The following BICRA variants were observed in gnomAD, a reference collection of about 807,000 sequenced individuals.
BICRA encodes BRD4-interacting chromatin-remodeling complex-associated protein.
A neutral mutation model predicts 96.9 loss-of-function variants in BICRA; 31 were observed. The observed-to-expected ratio is 0.32, with a 90% CI of 0.24 to 0.43. The LOEUF is 0.43. Among genes scored for constraint, BICRA ranks in the 20% least tolerant of loss-of-function variants. BICRA has a pLI of 1.00. For synonymous variants in BICRA, 1,350 were observed against 1,071.8 expected, an observed-to-expected ratio of 1.26 and a Z score of -5.07; for missense variants, 2,283 against 2,190.3, an observed-to-expected ratio of 1.04 and a Z score of -0.84.
chr19:47,627,703 A>T lies in BICRA; in HGVS notation c.-108+18535A>T, dbSNP rs1232434706. Among the ~76,000 whole-genome samples the T allele has an allele frequency of 1.6e-4, 25 of 152,222 alleles. 1 individual carries two copies. Among genetic ancestry groups the T allele is most frequent in the Admixed American group, 1.6e-3 (25 of 15,276 alleles). On this transcript the variant is annotated intron_variant, in intron 1 of 14. Transcript: ENST00000594866. The stretch of plus-strand genomic sequence containing the variant: ...AGAGATTTTTGGAGGTTGGAATTGC[A>T]GATTAGGGGGCCACAGACCTAAAAT...
intron 7 of BICRA, among the ~76,000 whole-genome samples, chr19:47,683,648 G>A (rs1475874969): frequency 1.3e-5 from 2 of 150,832 alleles, no homozygotes; most frequent in Non-Finnish European, 2.9e-5. Context: ...GCGGTGTCGC[G>A]ATCTCTGCTC....
intron 5 of BICRA, among the ~76,000 whole-genome samples, chr19:47,676,405 C>T (rs2123580549): frequency 6.6e-6 from 1 of 152,180 alleles, no homozygotes; most frequent in Middle Eastern, 3.4e-3. Context: ...CCAGAGTGGC[C>T]AATGCAGAGG....
chr19:47,672,739 G>C (rs1390445752), intron 2 of BICRA, among the ~76,000 whole-genome samples: 2 of 151,948 alleles, frequency 1.3e-5, no homozygotes, highest in East Asian at 1.9e-4. Flanking sequence ...TGTCAGATGG[G>C]ACTAACGATC....
Position 47,636,953 on chromosome 19 carries a change from CTTG to C in BICRA, c.-108+27791_-108+27793del, listed in dbSNP as rs570374090. 6.6e-5 allele frequency among the ~76,000 whole-genome samples: 10 copies of C among 152,136 alleles called. No homozygotes were observed. The East Asian group carries it at 7.7e-4, about 12-fold the overall frequency. On this transcript the variant is annotated intron_variant, in intron 1 of 14. Coordinates refer to ENST00000594866, the MANE Select transcript of BICRA (RefSeq NM_001394372.1). ...TGAGTCTTACCCCAGGGCCTTTGAA[CTTG>C]TTGTTCTCCTGCTGTGGGGCCCTCC...
intron 1 of BICRA, among the ~76,000 whole-genome samples, chr19:47,614,656 C>T (rs893212750): frequency 1.3e-5 from 2 of 152,226 alleles, no homozygotes; most frequent in African/African-American, 4.8e-5. Flanking sequence ...AAAAACTATT[C>T]ATCTTACACA....
At position 47,698,742 on chromosome 19, in the gene BICRA, C is replaced by G; in HGVS notation, c.3357C>G (p.Val1119=). The part of the protein sequence containing the change: ...DALHRLLPYH[V]YQGALPSPSD... Reference sequence around the variant, plus strand: ...TGCATCGCCTCCTGCCCTACCATGTCTACCAGGGCGCCCTCCCCTCCCCCA... The same window carrying G: ...TGCATCGCCTCCTGCCCTACCATGTGTACCAGGGCGCCCTCCCCTCCCCCA... The change falls in exon 12 of 15, where the codon GTC becomes GTG. Residue 1119 remains valine, a synonymous_variant. Coordinates refer to ENST00000594866, the MANE Select transcript of BICRA (RefSeq NM_001394372.1). The surrounding 1 kb of genome is among the most constrained non-coding windows in gnomAD (Gnocchi z 4.8). 2 of 1,610,128 alleles carry G rather than the reference C, an allele frequency of 1.2e-6. No homozygotes were observed. Among genetic ancestry groups the G allele is most frequent in the East Asian group, 2.2e-5 (1 of 44,840 alleles).
intron 6 of BICRA, among the ~76,000 whole-genome samples, chr19:47,681,644 C>T (rs777641174): frequency 5.9e-5 from 9 of 151,726 alleles, no homozygotes; most frequent in African/African-American, 1.7e-4. Context: ...AGGGACTACC[C>T]GACGGACAGA....
chr19:47,631,549 G>A (rs1972222521), intron 1 of BICRA, among the ~76,000 whole-genome samples: 2 of 152,042 alleles, frequency 1.3e-5, no homozygotes, highest in African/African-American at 4.8e-5. Context: ...ATTTTTTGTA[G>A]AGGCAGGAAC....
At chr19:47,673,839 G>C in intron 4 of BICRA, 77 bp downstream of exon 4, 1 of 1,276,388 alleles carries the variant, frequency 7.8e-7, no homozygotes. Flanking sequence ...GGAGAGACAT[G>C]TCCCTTTGAT....
At chr19:47,671,423 A>G (rs896917837) in intron 2 of BICRA, among the ~76,000 whole-genome samples, 8 of 152,206 alleles carry the variant, frequency 5.3e-5, no homozygotes, top group Admixed American at 5.2e-4. Flanking sequence ...ACAAAAAAAG[A>G]GGGTAAGGGA....
chr19:47,695,211 A>C (rs7253839), intron 9 of BICRA, 131 bp downstream of exon 9: 579,354 of 776,612 alleles, frequency 0.75, 218,290 homozygotes, highest in East Asian at 0.96. Context: ...CTCAAGGGAC[A>C]CAGGAAGGCC....
In BICRA at chr19:47,679,500, G is replaced by A; in HGVS notation, c.330G>A (p.Glu110=). 6.5e-7 allele frequency: 1 copy of A among 1,546,336 alleles called. No homozygotes were observed. Among genetic ancestry groups the A allele is most frequent in the East Asian group, 2.5e-5 (1 of 40,638 alleles). The change falls in exon 6 of 15, where the codon GAG becomes GAA. Residue 110 remains glutamate, a synonymous_variant. Coordinates refer to ENST00000594866, the MANE Select transcript of BICRA (RefSeq NM_001394372.1). ...PCDILQQSLQ[E]ANITEQTLEA... is the part of the protein sequence containing the mutation. The stretch of plus-strand genomic sequence containing the variant: ...ACATCCTCCAGCAGAGCCTCCAAGA[G>A]GCCAACATCACGGAGCAGACGCTGG...
At chr19:47,692,070 A>G (rs2974185) in intron 7 of BICRA, among the ~76,000 whole-genome samples, 109,894 of 151,964 alleles carry the variant, frequency 0.72, 40,142 homozygotes, top group East Asian at 0.96. Flanking sequence ...GTGCCGCTGC[A>G]TGTGGGCCAC....
chr19:47,609,961 CG>C (rs1971874809), intron 1 of BICRA, among the ~76,000 whole-genome samples: 1 of 38,450 alleles, frequency 2.6e-5, no homozygotes, highest in South Asian at 6.6e-4. Context: ...GGGGCCGTTA[CG>C]GGGGTGGGGG....
chr19:47,696,772 T>G (rs757300300), intron 11 of BICRA, among the ~76,000 whole-genome samples: 5 of 152,158 alleles, frequency 3.3e-5, no homozygotes, highest in Middle Eastern at 3.4e-3. Flanking sequence ...CCATCCTGGT[T>G]GTTGCTGTGC....
chr19:47,648,747 T>C lies in BICRA; in HGVS notation c.-107-21696T>C, dbSNP rs370452451. ...AGGCTGGAGTGTAGTAGGCTGATCTTGGCTCACTGCAGCCTCTGCCTCCTG... is the reference window on the plus strand; with the variant it reads ...AGGCTGGAGTGTAGTAGGCTGATCTCGGCTCACTGCAGCCTCTGCCTCCTG... On this transcript the variant is annotated intron_variant, in intron 1 of 14. Coordinates refer to ENST00000594866, the MANE Select transcript of BICRA (RefSeq NM_001394372.1). Among the ~76,000 whole-genome samples, 73 of 151,550 alleles carry C rather than the reference T, an allele frequency of 4.8e-4. 1 individual carries two copies. The highest frequency in any genetic ancestry group is 1.9e-3 in the South Asian group (9 of 4,778).
At chr19:47,656,749 A>G (rs1235658723) in intron 1 of BICRA, among the ~76,000 whole-genome samples, 3 of 152,212 alleles carry the variant, frequency 2.0e-5, no homozygotes, top group Non-Finnish European at 4.4e-5. Context: ...CACGTCCATC[A>G]TCTGAGCAGG....
chr19:47,694,910 G>T lies in BICRA; in HGVS notation c.2906G>T (p.Gly969Val). ...CTGTCCCCTCCTCAGGTGCCGTCCG[G>T]AATCATCCTCCAGAACAAGGCTGGG... ...LLERFHQVPS[G>V]IILQNKAGGA... Residue 969 changes from glycine (G) to valine (V), a missense_variant, in exon 9 of 15, where the codon GGA (glycine) becomes GTA (valine). Physicochemically the swap from Gly to Val is moderately radical, Grantham distance 109. Transcript: ENST00000594866. 2.0e-6 allele frequency: 3 copies of T among 1,517,452 alleles called. No homozygotes were observed. The highest frequency in any genetic ancestry group is 2.6e-6 in the Non-Finnish European group (3 of 1,140,314). 94.0% of individuals were successfully genotyped at this position (1,517,452 alleles called of 1,614,324 possible).
intron 1 of BICRA, among the ~76,000 whole-genome samples, chr19:47,626,931 A>G (rs1972150303): frequency 6.6e-6 from 1 of 151,984 alleles, no homozygotes; most frequent in Admixed American, 6.6e-5. Context: ...CATGTCAGTC[A>G]GGCTCGTCTT....
Sources: allele counts gnomAD v4.1 joint callset (sites outside exome capture counted in the v4.1 genomes callset), GRCh38; gene constraint gnomAD v4.1.1; non-coding constraint Gnocchi (gnomAD v3.1); transcripts MANE v1.5; gene names NCBI Gene and HGNC (gene_info 2026-07-23, HGNC 2026-07-21).